PALD1: variants seen among roughly 807,000 people sequenced by gnomAD.
The protein encoded by PALD1 is phosphatase domain containing paladin 1.
Under a neutral mutation model 96.0 loss-of-function variants are expected in PALD1, and 57 were observed. That is an observed-to-expected ratio of 0.59 (90% CI 0.48 to 0.74). The LOEUF is 0.74. Among genes scored for constraint, PALD1 ranks in the 30% least tolerant of loss-of-function variants. The pLI is 0.00. For missense variants in PALD1, 1,063 were observed against 1,143.7 expected, an observed-to-expected ratio of 0.93 and a Z score of 1.02; for synonymous variants, 464 against 473.6, an observed-to-expected ratio of 0.98 and a Z score of 0.26.
intron 1 of PALD1, among the ~76,000 whole-genome samples, chr10:70,501,091 T>C (rs1363354613): frequency 6.6e-6 from 1 of 152,150 alleles, no homozygotes; most frequent in Non-Finnish European, 1.5e-5. Flanking sequence ...TTCCTGCCAC[T>C]GAGGGAGGCT....
rs145414438 is a variant in PALD1 at position 70,536,216 on chromosome 10, T to C, written c.1227+1373T>C. ...TCAGGGAGGCTGAGGCAGGAGGATCTTGTGAGCCCAGGAGTTCCAGGCTGC... is the reference window on the plus strand; with the variant it reads ...TCAGGGAGGCTGAGGCAGGAGGATCCTGTGAGCCCAGGAGTTCCAGGCTGC... On this transcript the variant is annotated intron_variant, in intron 10 of 19. Coordinates refer to ENST00000263563, the MANE Select transcript of PALD1 (RefSeq NM_014431.3). 7.3e-3 allele frequency among the ~76,000 whole-genome samples: 1,116 copies of C among 152,252 alleles called. 14 individuals are homozygous for C. Among genetic ancestry groups the C allele is most frequent in the African/African-American group, 0.025 (1,040 of 41,534 alleles).
chr10:70,476,620 GCTAA>G (rs1428974626), upstream of PALD1, among the ~76,000 whole-genome samples: 3 of 152,280 alleles, frequency 2.0e-5, no homozygotes, highest in African/African-American at 4.8e-5. Context: ...GAACCCTGAG[GCTAA>G]CTGTTAGATC....
upstream of PALD1, among the ~76,000 whole-genome samples, chr10:70,474,750 C>T (rs1182662809): frequency 6.6e-6 from 1 of 152,118 alleles, no homozygotes; most frequent in Non-Finnish European, 1.5e-5. Context: ...GGCTTAGACC[C>T]AAAGAAGGAT....
rs537888109 is a variant in PALD1, at chr10:70,525,033, A to T, written c.-29-890A>T. Among the ~76,000 whole-genome samples, 3 of 152,048 alleles carry T rather than the reference A, an allele frequency of 2.0e-5. No homozygotes were observed. In the South Asian group the frequency reaches 6.3e-4, roughly 32 times the overall value. ...TTTTATTTTTTTGAGATAGAGTCTCACTCTGTCACCTAGGCTGGAGTGGAG... is the reference window on the plus strand; with the variant it reads ...TTTTATTTTTTTGAGATAGAGTCTCTCTCTGTCACCTAGGCTGGAGTGGAG... On this transcript the variant is annotated intron_variant, in intron 1 of 19. Coordinates refer to ENST00000263563, the MANE Select transcript of PALD1 (RefSeq NM_014431.3).
At chr10:70,488,719 G>A (rs189819651) in intron 1 of PALD1, among the ~76,000 whole-genome samples, 1 of 152,324 alleles carries the variant, frequency 6.6e-6, no homozygotes, top group Non-Finnish European at 1.5e-5. Flanking sequence ...CTGAGCTGGG[G>A]CTTGGCGAGG....
At chr10:70,529,207 T>TC in intron 2 of PALD1, 22 bp from the exon 3 acceptor site, 1 of 391,778 alleles carries the variant, frequency 2.6e-6, no homozygotes, top group Non-Finnish European at 4.6e-6. Flanking sequence ...GTTTCCATTC[T>TC]GCCCCCCCCC....
intron 1 of PALD1, among the ~76,000 whole-genome samples, chr10:70,509,970 G>C (rs1846480311): frequency 6.6e-6 from 1 of 152,232 alleles, no homozygotes; most frequent in South Asian, 2.1e-4. Flanking sequence ...ATAAGCGTGG[G>C]CTGTGCCGAA....
the PALD1 span, among the ~76,000 whole-genome samples, chr10:70,473,243 G>T: frequency 6.6e-6 from 1 of 152,212 alleles, no homozygotes; most frequent in South Asian, 2.1e-4. Flanking sequence ...CGACTCTGCA[G>T]GAAACACAGG....
chr10:70,463,247 G>T, the PALD1 span, among the ~76,000 whole-genome samples: 2,972 of 152,114 alleles, frequency 0.02, 57 homozygotes, highest in Non-Finnish European at 0.026. Flanking sequence ...TACTAAAAAT[G>T]CAAAAAATTA....
chr10:70,458,875 G>A, the PALD1 span, among the ~76,000 whole-genome samples: 1 of 152,186 alleles, frequency 6.6e-6, no homozygotes, highest in African/African-American at 2.4e-5. Context: ...ATTGTGGGGC[G>A]CCACCAAACG....
intron 1 of PALD1, among the ~76,000 whole-genome samples, chr10:70,514,570 C>T (rs553431136): frequency 3.3e-5 from 5 of 152,132 alleles, no homozygotes; most frequent in South Asian, 2.1e-4. Flanking sequence ...ATGAAGGAGT[C>T]GGGGCCAGGA....
intron 1 of PALD1, among the ~76,000 whole-genome samples, chr10:70,480,963 G>T (rs1342642788): frequency 1.3e-5 from 2 of 152,220 alleles, no homozygotes; most frequent in African/African-American, 4.8e-5. Flanking sequence ...GACATGTGCG[G>T]GGACAGACAT....
chr10:70,482,348 A>T (rs1219848748), intron 1 of PALD1, among the ~76,000 whole-genome samples: 1 of 152,142 alleles, frequency 6.6e-6, no homozygotes, highest in Non-Finnish European at 1.5e-5. Flanking sequence ...AATAGTCCCA[A>T]ATCATGGCTT....
At chr10:70,468,646 T>C in the PALD1 span, among the ~76,000 whole-genome samples, 1 of 151,792 alleles carries the variant, frequency 6.6e-6, no homozygotes, top group Non-Finnish European at 1.5e-5. Context: ...GGACTTCTTA[T>C]GGACGGGGTG....
the PALD1 span, among the ~76,000 whole-genome samples, chr10:70,463,348 C>T: frequency 1.1e-3 from 164 of 151,920 alleles, no homozygotes; most frequent in African/African-American, 3.5e-3. Context: ...AGGCGGGAAC[C>T]GAGATCGTGC....
At chr10:70,528,147 A>G (rs1318108536) in intron 2 of PALD1, among the ~76,000 whole-genome samples, 1 of 150,910 alleles carries the variant, frequency 6.6e-6, no homozygotes, top group African/African-American at 2.4e-5. Context: ...TCCATGGTGT[A>G]TATGAAGGCA....
rs1195092619 is a variant in PALD1, at chr10:70,564,478, G to T, written c.2377G>T (p.Ala793Ser). The change falls in exon 19 of 20, where the codon GCC becomes TCC. Residue 793 changes from alanine to serine, a missense_variant. Ala to Ser is a moderately conservative substitution (Grantham distance 99, BLOSUM62 1). Transcript: ENST00000263563. The stretch of plus-strand genomic sequence containing the variant: ...CAACGCGTACCTCCACCTGGAGAAG[G>T]CCGACTCCTGGCAGAGGCCCTTCAG... ...LFNAYLHLEK[A>S]DSWQRPFSTW... 1 of 1,614,154 alleles carries T rather than the reference G, an allele frequency of 6.2e-7. No individual in the cohort carries two copies. The highest frequency in any genetic ancestry group is 8.5e-7 in the Non-Finnish European group (1 of 1,180,032).
chr10:70,479,778 G>C (rs1326353155), intron 1 of PALD1, among the ~76,000 whole-genome samples: 2 of 152,218 alleles, frequency 1.3e-5, no homozygotes, highest in African/African-American at 2.4e-5. Context: ...CAACTCCTTG[G>C]CTTCTGGGTA....
chr10:70,486,538 A>C (rs1589168877), intron 1 of PALD1, among the ~76,000 whole-genome samples: 1 of 152,100 alleles, frequency 6.6e-6, no homozygotes, highest in Non-Finnish European at 1.5e-5. Flanking sequence ...GGGCAGGCGG[A>C]TCACTTGAGG....
Sources: gnomAD v4.1 joint callset for allele counts (sites outside exome capture counted in the v4.1 genomes callset) on GRCh38, gnomAD v4.1.1 for gene constraint, MANE v1.5 for transcripts, NCBI Gene and HGNC (gene_info 2026-07-23, HGNC 2026-07-21) for gene names.